ZCCHC14: variants seen among roughly 807,000 people sequenced by gnomAD.
The protein encoded by ZCCHC14 is zinc finger CCHC domain-containing protein 14.
A neutral mutation model predicts 85.0 loss-of-function variants in ZCCHC14; 16 were observed. The ratio of observed to expected loss-of-function variants is 0.19; its 90% confidence interval spans 0.13 to 0.29. ZCCHC14 has a LOEUF of 0.29. ZCCHC14 is among the 10% of genes least tolerant of loss of function. ZCCHC14 has a pLI of 1.00. For synonymous variants in ZCCHC14, 775 were observed against 630.7 expected, an observed-to-expected ratio of 1.23 and a Z score of -3.43; for missense variants, 1,303 against 1,443.5, an observed-to-expected ratio of 0.90 and a Z score of 1.58.
chr16:87,423,947 C>A, intron 3 of ZCCHC14, 66 bp from the exon 4 acceptor site: 1 of 1,548,220 alleles, frequency 6.5e-7, no homozygotes, highest in Admixed American at 1.8e-5. Flanking sequence ...CAGCACGTGT[C>A]CTGGTACGAC....
At chr16:87,422,149 G>A (rs910812978) in intron 4 of ZCCHC14, among the ~76,000 whole-genome samples, 3 of 152,284 alleles carry the variant, frequency 2.0e-5, no homozygotes, top group Admixed American at 6.5e-5. Context: ...TCATGAACAC[G>A]TCAAATGGAA....
chr16:87,432,879 C>G (rs1909731609), intron 3 of ZCCHC14, among the ~76,000 whole-genome samples: 1 of 152,180 alleles, frequency 6.6e-6, no homozygotes, highest in Non-Finnish European at 1.5e-5. Context: ...GAGGTATGCA[C>G]CATTCACACC....
At chr16:87,469,179 C>A (rs1355439438) in intron 1 of ZCCHC14, among the ~76,000 whole-genome samples, 1 of 152,196 alleles carries the variant, frequency 6.6e-6, no homozygotes, top group Non-Finnish European at 1.5e-5. Context: ...TCCCGAGTAG[C>A]TGGGACCACA....
intron 10 of ZCCHC14, among the ~76,000 whole-genome samples, chr16:87,413,707 G>A (rs1402510752): frequency 6.6e-6 from 1 of 151,806 alleles, no homozygotes; most frequent in Admixed American, 6.6e-5. Context: ...AAACCAAATC[G>A]CTGAGACTGA....
intron 1 of ZCCHC14, among the ~76,000 whole-genome samples, chr16:87,464,217 GAGA>G (rs994099380): frequency 2.0e-5 from 3 of 152,222 alleles, no homozygotes; most frequent in African/African-American, 7.2e-5. Flanking sequence ...CAGCCTTGGA[GAGA>G]AGGAGAGCAG....
intron 3 of ZCCHC14, among the ~76,000 whole-genome samples, chr16:87,429,177 C>G (rs1021692630): frequency 6.6e-5 from 10 of 152,192 alleles, no homozygotes; most frequent in African/African-American, 1.7e-4. Context: ...CTAGCTCCCC[C>G]ACACCGCAGC....
In ZCCHC14 at chr16:87,459,251, G is replaced by A. The variant is rs758348982; in HGVS notation, c.694+757C>T. ...ACTCAGTGCAGGTGGAAAACACTCC[G>A]TCACCACAGAGAGCGCTTCAGGACA... On this transcript the variant is annotated intron_variant, in intron 2 of 12. Transcript: ENST00000671377. 6.6e-5 allele frequency among the ~76,000 whole-genome samples: 10 copies of A among 152,272 alleles called. No individual in the cohort carries two copies. The East Asian group carries it at 7.7e-4, about 12-fold the overall frequency.
intron 8 of ZCCHC14, among the ~76,000 whole-genome samples, chr16:87,415,993 C>A (rs750333001): frequency 6.6e-6 from 1 of 152,118 alleles, no homozygotes; most frequent in African/African-American, 2.4e-5. Context: ...GTGGTGCGAT[C>A]TCGGCTCACT....
At chr16:87,467,145 C>A in intron 1 of ZCCHC14, 1 of 1,092,820 alleles carries the variant, frequency 9.2e-7, no homozygotes, top group Non-Finnish European at 1.4e-6. Flanking sequence ...CAGATCAGAC[C>A]TGTTGATAGA....
In ZCCHC14 at chr16:87,430,498, C is replaced by T. The variant is rs1212261315; in HGVS notation, c.768+2630G>A. On this transcript the variant is annotated intron_variant, in intron 3 of 12. Coordinates refer to ENST00000671377, the MANE Select transcript of ZCCHC14 (RefSeq NM_015144.3). ...TCAAAATTAATTACTCAAGTTCTTT[C>T]CATATCACTTTAACTTGATTTCTTT... is the stretch of plus-strand genomic sequence containing the variant. Among the ~76,000 whole-genome samples, 5 of 151,992 alleles carry T rather than the reference C, an allele frequency of 3.3e-5. No individual in the cohort carries two copies. The East Asian group carries it at 9.6e-4, about 29-fold the overall frequency.
At chr16:87,485,246 A>C (rs1341743745) in intron 1 of ZCCHC14, among the ~76,000 whole-genome samples, 1 of 152,226 alleles carries the variant, frequency 6.6e-6, no homozygotes, top group Non-Finnish European at 1.5e-5. Flanking sequence ...TATTTGAAAG[A>C]TACTCTGTCT....
rs1908570439 is a variant in ZCCHC14, at chr16:87,413,138, G to A, written c.1661C>T (p.Ser554Leu). The change falls in exon 11 of 13, where the codon TCG (serine) becomes TTG (leucine). Residue 554 changes from serine to leucine, a missense_variant. Coordinates refer to ENST00000671377, the MANE Select transcript of ZCCHC14 (RefSeq NM_015144.3). ...HHQLPREGSSSEYSSSSSSPM... is the reference protein window; with the variant it reads ...HHQLPREGSSLEYSSSSSSPM... Reference sequence around the variant, plus strand: ...GCTGGAGGAGGAGCTGGAGTACTCCGAGGAACTGCCTTCCCGGGGCAGCTG... The same window carrying A: ...GCTGGAGGAGGAGCTGGAGTACTCCAAGGAACTGCCTTCCCGGGGCAGCTG... 3 of 1,610,674 alleles carry A rather than the reference G, an allele frequency of 1.9e-6. No homozygotes were observed. The highest frequency in any genetic ancestry group is 1.7e-6 in the Non-Finnish European group (2 of 1,178,608).
chr16:87,489,169 A>C (rs1912641628), intron 1 of ZCCHC14, among the ~76,000 whole-genome samples: 1 of 152,330 alleles, frequency 6.6e-6, no homozygotes, highest in African/African-American at 2.4e-5. Flanking sequence ...ACAGAAACGA[A>C]AGTTAAATGA....
chr16:87,447,718 T>C (rs1910510043), intron 2 of ZCCHC14, among the ~76,000 whole-genome samples: 1 of 152,208 alleles, frequency 6.6e-6, no homozygotes, highest in Non-Finnish European at 1.5e-5. Flanking sequence ...TGGGATAAAT[T>C]CCCTAGGACG....
At chr16:87,455,287 C>CCCGTT (rs1233194438) in intron 2 of ZCCHC14, among the ~76,000 whole-genome samples, 1,667 of 150,428 alleles carry the variant, frequency 0.011, 14 homozygotes, top group Middle Eastern at 0.028. Flanking sequence ...AAACTCCGTC[C>CCCGTT]CCCCCCGCCC....
chr16:87,411,971 G>A lies in ZCCHC14; in HGVS notation c.2750C>T (p.Pro917Leu). ...GCACACAATGCAGCCTGGCGGGGGT[G>A]GGGCGGGCTGCGGGGGTGCCGGGGG... is the stretch of plus-strand genomic sequence containing the variant. ...QQPPAPPQPA[P>L]PPPGCIVCTS... The change falls in exon 12 of 13, where the codon CCA becomes CTA. Residue 917 changes from proline (P) to leucine (L), a missense_variant. Transcript: ENST00000671377. 6.2e-7 allele frequency: 1 copy of A among 1,603,174 alleles called. No homozygotes were observed. The highest frequency in any genetic ancestry group is 8.5e-7 in the Non-Finnish European group (1 of 1,176,038).
At chr16:87,455,517 C>A (rs746693231) in intron 2 of ZCCHC14, among the ~76,000 whole-genome samples, 1 of 152,180 alleles carries the variant, frequency 6.6e-6, no homozygotes, top group Non-Finnish European at 1.5e-5. Flanking sequence ...GTCCTAGCGT[C>A]CTACAGAAGC....
At chr16:87,448,998 C>G (rs79226035) in intron 2 of ZCCHC14, among the ~76,000 whole-genome samples, 2 of 152,316 alleles carry the variant, frequency 1.3e-5, no homozygotes, top group African/African-American at 4.8e-5. Context: ...CTCGGCCTTA[C>G]GAATCCTCAT....
chr16:87,417,567 T>G lies in ZCCHC14; in HGVS notation c.1276A>C (p.Ser426Arg). The G allele has an allele frequency of 1.2e-6, 2 of 1,614,258 alleles. No homozygotes were observed. The highest frequency in any genetic ancestry group is 1.7e-6 in the Non-Finnish European group (2 of 1,180,042). The change falls in exon 8 of 13, where the codon AGT becomes CGT. Residue 426 changes from serine to arginine, a missense_variant. Around this residue, in one of 7 missense-constraint regions of ZCCHC14, gnomAD observed 389 missense variants for 397.8 expected, o/e 0.98. Transcript: ENST00000671377. The part of the protein sequence containing the change: ...DTSPAILMPS[S>R]LQTPQTQEQN... ...TCCTGGGTCTGAGGGGTCTGCAGAC[T>G]GGAAGGCATGAGGATGGCAGGTGAT...
Sources: gnomAD v4.1 joint callset for allele counts (sites outside exome capture counted in the v4.1 genomes callset) on GRCh38, gnomAD v4.1.1 for gene constraint, gnomAD v4.1.1 regional missense constraint, MANE v1.5 for transcripts, NCBI Gene and HGNC (gene_info 2026-07-23, HGNC 2026-07-21) for gene names.